Variants in FOXP2 observed in about 807,000 individuals in gnomAD.
FOXP2 encodes the protein forkhead box P2, also known as forkhead box protein P2.
In FOXP2, 12 loss-of-function variants were observed where a neutral mutation model predicts 115.8. The observed-to-expected ratio is 0.10, with a 90% confidence interval of 0.07 to 0.17. The LOEUF (loss-of-function observed/expected upper bound fraction) is 0.17, where lower values mean the gene tolerates loss of function less well. Ranked by LOEUF, FOXP2 falls within the 10% of genes least tolerant of loss-of-function variation. The pLI is 1.00. For missense variants in FOXP2, 629 were observed against 843.5 expected (o/e 0.75, Z 3.15); for synonymous variants, 328 against 297.7 (o/e 1.10, Z -1.05).
At chr7:114,204,993 G>A (rs568041575) in intron 1 of FOXP2, among the ~76,000 whole-genome samples, 26 of 151,680 alleles carry the variant, frequency 1.7e-4, no homozygotes, top group African/African-American at 4.8e-4. Flanking sequence ...GCCTTTTGCC[G>A]TAGACTGCTG....
At chr7:114,170,534 T>C (rs569461486) in intron 1 of FOXP2, among the ~76,000 whole-genome samples, 9 of 152,300 alleles carry the variant, frequency 5.9e-5, no homozygotes, top group African/African-American at 2.2e-4. Context: ...CCCAAAGTTC[T>C]GAATGCAAAG....
intron 1 of FOXP2, among the ~76,000 whole-genome samples, chr7:114,125,111 A>G (rs1791673346): frequency 6.6e-6 from 1 of 152,090 alleles, no homozygotes; most frequent in Admixed American, 6.6e-5. Context: ...TAGTTTGTGA[A>G]TTTGTGTCAC....
intron 2 of FOXP2, among the ~76,000 whole-genome samples, chr7:114,344,151 A>C (rs974094415): frequency 2.0e-5 from 3 of 151,734 alleles, no homozygotes; most frequent in Non-Finnish European, 3.0e-5. Context: ...ATATAAAAGA[A>C]CTATACAACA....
At chr7:114,464,636 C>T (rs556041306) in intron 2 of FOXP2, among the ~76,000 whole-genome samples, 4 of 152,278 alleles carry the variant, frequency 2.6e-5, no homozygotes, top group African/African-American at 9.6e-5. Context: ...AGTCTTTAGT[C>T]CTGTTTCTGT....
chr7:114,635,619 G>C (rs1409260360), intron 6 of FOXP2, among the ~76,000 whole-genome samples: 1 of 151,928 alleles, frequency 6.6e-6, no homozygotes, highest in Non-Finnish European at 1.5e-5. Flanking sequence ...GTTAGTTTTT[G>C]AAAAAATGTA....
chr7:114,658,820 T>C (rs1044485465), intron 11 of FOXP2, among the ~76,000 whole-genome samples: 2 of 152,094 alleles, frequency 1.3e-5, no homozygotes, highest in African/African-American at 4.8e-5. Flanking sequence ...TTCTCCCTTC[T>C]CCCTTCTCCC....
chr7:114,188,559 T>A (rs550862043), intron 1 of FOXP2, among the ~76,000 whole-genome samples: 2 of 152,354 alleles, frequency 1.3e-5, no homozygotes, highest in East Asian at 3.9e-4. Flanking sequence ...TCCTTTTTTT[T>A]ATAGCTAATT....
intron 2 of FOXP2, among the ~76,000 whole-genome samples, chr7:114,505,403 A>G (rs886712105): frequency 6.6e-6 from 1 of 151,532 alleles, no homozygotes; most frequent in African/African-American, 2.4e-5. Context: ...TACCTTTAAA[A>G]TGTCAGGCTT....
intron 16 of FOXP2, among the ~76,000 whole-genome samples, chr7:114,680,834 A>G (rs1808050848): frequency 6.6e-6 from 1 of 152,194 alleles, no homozygotes; most frequent in Non-Finnish European, 1.5e-5. Context: ...GAAAAATGGC[A>G]TAATGAATGT....
intron 2 of FOXP2, among the ~76,000 whole-genome samples, chr7:114,522,241 TTA>T (rs1468766434): frequency 1.3e-5 from 2 of 152,162 alleles, no homozygotes; most frequent in Non-Finnish European, 2.9e-5. Flanking sequence ...GTTTGGGATT[TTA>T]TATGTGTCTT....
chr7:114,485,290 T>C (rs1796725250), intron 2 of FOXP2, among the ~76,000 whole-genome samples: 1 of 152,016 alleles, frequency 6.6e-6, no homozygotes, highest in South Asian at 2.1e-4. Flanking sequence ...ATTCTCAACC[T>C]GAATAATTGT....
rs535359631 is a variant in FOXP2, at chr7:114,294,104, T to C, written c.-11+5995T>C. Among the ~76,000 whole-genome samples, 9 of 152,298 alleles carry C rather than the reference T, an allele frequency of 5.9e-5. 1 individual carries two copies. Among genetic ancestry groups the C allele is most frequent in the South Asian group, 4.1e-4 (2 of 4,824 alleles). On this transcript the variant is annotated intron_variant, in intron 2 of 17. Coordinates refer to the FOXP2 transcript ENST00000634411. ...GAGATAGGTATGTATATTTACAAGATAGCCAAATGGAAAGAAAATGTGAAA... is the reference window on the plus strand; with the variant it reads ...GAGATAGGTATGTATATTTACAAGACAGCCAAATGGAAAGAAAATGTGAAA...
chr7:114,596,724 T>C (rs559094403), intron 3 of FOXP2, among the ~76,000 whole-genome samples: 2 of 152,220 alleles, frequency 1.3e-5, no homozygotes, highest in African/African-American at 4.8e-5. Context: ...CTCCCCTCCA[T>C]ACGTGTCCCA....
At chr7:114,317,315 G>A (rs1336882707) in intron 2 of FOXP2, among the ~76,000 whole-genome samples, 3 of 152,188 alleles carry the variant, frequency 2.0e-5, no homozygotes, top group African/African-American at 4.8e-5. Flanking sequence ...GCAATAGATC[G>A]AAACCAATAA....
chr7:114,618,662 T>C (rs1290103653), intron 3 of FOXP2, among the ~76,000 whole-genome samples: 2 of 152,216 alleles, frequency 1.3e-5, no homozygotes, highest in East Asian at 3.8e-4. Flanking sequence ...TAGAACACTA[T>C]GAACAGGTAT....
intron 2 of FOXP2, chr7:114,288,191 T>C (rs2129175996): frequency 2.3e-6 from 1 of 425,550 alleles, no homozygotes; most frequent in African/African-American, 2.1e-5. Flanking sequence ...CTCTTTAGTT[T>C]TTTTGGTTAA....
chr7:114,150,640 G>A (rs1273295702), intron 1 of FOXP2, among the ~76,000 whole-genome samples: 1 of 151,922 alleles, frequency 6.6e-6, no homozygotes, highest in African/African-American at 2.4e-5. Flanking sequence ...TTTAAGAAAT[G>A]TTAATAGCTG....
At chr7:114,171,158 T>C (rs954695499) in intron 1 of FOXP2, among the ~76,000 whole-genome samples, 14 of 152,214 alleles carry the variant, frequency 9.2e-5, no homozygotes, top group African/African-American at 3.4e-4. Flanking sequence ...GCTCTAGAAA[T>C]GAAGCAACAA....
intron 1 of FOXP2, among the ~76,000 whole-genome samples, chr7:114,118,100 T>C (rs1009810392): frequency 7.2e-5 from 11 of 152,160 alleles, no homozygotes; most frequent in African/African-American, 2.4e-4. Context: ...TAGAGTCTTC[T>C]TTCCACCATA....
Sources: gnomAD v4.1 joint callset for allele counts (sites outside exome capture counted in the v4.1 genomes callset) on GRCh38, gnomAD v4.1.1 for gene constraint, MANE v1.5 for transcripts, NCBI Gene and HGNC (gene_info 2026-07-23, HGNC 2026-07-21) for gene names.